SNRPN: variants seen among roughly 807,000 people sequenced by gnomAD.
The protein encoded by SNRPN is small nuclear ribonucleoprotein polypeptide N, also known as small nuclear ribonucleoprotein-associated protein N.
Under a neutral mutation model 25.2 loss-of-function variants are expected in SNRPN, and 7 were observed. The ratio of observed to expected loss-of-function variants is 0.28; its 90% CI spans 0.16 to 0.52. The LOEUF (loss-of-function observed/expected upper bound fraction) is 0.52, where lower values mean the gene tolerates loss of function less well. SNRPN is among the 20% of genes least tolerant of loss of function. The probability of loss-of-function intolerance (pLI) is 0.96; values close to 1 mark genes in which losing one functional copy is unlikely to be tolerated. For synonymous variants in SNRPN, 124 were observed against 110.6 expected (o/e 1.12, Z -0.76); for missense variants, 196 against 322.5 (o/e 0.61, Z 3.00).
At chr15:24,907,026 G>T (rs1299346077) in intron 2 of SNRPN, among the ~76,000 whole-genome samples, 1 of 151,992 alleles carries the variant, frequency 6.6e-6, no homozygotes, top group African/African-American at 2.4e-5. Flanking sequence ...GGAGGCAAGA[G>T]AACTGAAGGG....
At chr15:24,871,037 C>T (rs144073429) in intron 1 of SNRPN, among the ~76,000 whole-genome samples, 1,865 of 151,812 alleles carry the variant, frequency 0.012, 53 homozygotes, top group African/African-American at 0.043. Context: ...CGCACCACCA[C>T]GCCCGGCTAA....
chr15:24,945,439 T>C (rs2061820898), intron 3 of SNRPN, among the ~76,000 whole-genome samples: 1 of 150,976 alleles, frequency 6.6e-6, no homozygotes, highest in Non-Finnish European at 1.5e-5. Context: ...CTTGAGAGGC[T>C]GAGGCAGGAG....
intron 2 of SNRPN, among the ~76,000 whole-genome samples, chr15:24,906,230 C>T (rs545893573): frequency 6.6e-5 from 10 of 152,214 alleles, no homozygotes; most frequent in Admixed American, 6.5e-4. Flanking sequence ...GGGCTCAAGC[C>T]ATATTCCACC....
intron 2 of SNRPN, among the ~76,000 whole-genome samples, chr15:24,967,597 G>A (rs1051096596): frequency 2.0e-5 from 3 of 151,454 alleles, no homozygotes; most frequent in Admixed American, 6.6e-5. Flanking sequence ...AGCCCAGATC[G>A]TGCCACTGCA....
At chr15:24,868,089 G>C (rs905038591) in intron 1 of SNRPN, among the ~76,000 whole-genome samples, 1 of 150,926 alleles carries the variant, frequency 6.6e-6, no homozygotes, top group Non-Finnish European at 1.5e-5. Flanking sequence ...TTTATAGTTT[G>C]AGTGTGTGTG....
chr15:24,908,933 C>T (rs1021728333), intron 2 of SNRPN: 2 of 1,166,158 alleles, frequency 1.7e-6, no homozygotes, highest in African/African-American at 1.5e-5. Flanking sequence ...TTTGGTTTAG[C>T]TCTCAGCAGC....
chr15:24,850,133 A>G (rs561527173), intron 2 of SNRPN: 42 of 152,308 alleles, frequency 2.8e-4, no homozygotes, highest in Middle Eastern at 3.4e-3. Context: ...GCATGTTTTG[A>G]TGTAAGTGAT....
At chr15:24,910,932 T>C (rs2059176588) in intron 2 of SNRPN, 2 of 759,218 alleles carry the variant, frequency 2.6e-6, no homozygotes, top group Admixed American at 2.0e-5. Context: ...TCCTGTAGGC[T>C]GGCAGAGGAA....
In SNRPN at chr15:24,877,661, A is replaced by AACACAC. The variant is rs72120147; in HGVS notation, c.-578-8825_-578-8820dup. Among the ~76,000 whole-genome samples, 746 of 144,754 alleles carry AACACAC rather than the reference A, an allele frequency of 5.2e-3. 10 individuals are homozygous for AACACAC. Among genetic ancestry groups the AACACAC allele is most frequent in the African/African-American group, 0.018 (703 of 39,078 alleles). The allele number at this position is 144,754 out of a possible 152,430, so 95.0% of individuals were successfully genotyped here. On this transcript the variant is annotated intron_variant, in intron 1 of 11. Transcript: ENST00000400097. The stretch of plus-strand genomic sequence containing the variant: ...CCAATATGGTGAAACATCTCTACAA[A>AACACAC]ACACACACACACACACACACACACA...
At chr15:24,855,635 C>CAAAAA (rs1370648934), upstream of SNRPN, among the ~76,000 whole-genome samples, 1 of 151,470 alleles carries the variant, frequency 6.6e-6, no homozygotes, top group Admixed American at 6.6e-5. Flanking sequence ...ACTAAAAATA[C>CAAAAA]AAAAAAATTA....
intron 3 of SNRPN, among the ~76,000 whole-genome samples, chr15:24,923,910 TG>T (rs1364262943): frequency 1.7e-5 from 2 of 115,260 alleles, no homozygotes; most frequent in African/African-American, 6.8e-5. Context: ...TGTGTGTGTG[TG>T]TGTATATAAA....
chr15:24,907,897 A>G (rs567076521), intron 2 of SNRPN, among the ~76,000 whole-genome samples: 26 of 151,844 alleles, frequency 1.7e-4, no homozygotes, highest in African/African-American at 6.3e-4. Context: ...TACTAAAAAT[A>G]CAAAAATTAG....
intron 1 of SNRPN, among the ~76,000 whole-genome samples, chr15:24,863,681 A>G (rs905396812): frequency 1.3e-5 from 2 of 150,680 alleles, no homozygotes; most frequent in Non-Finnish European, 2.9e-5. Context: ...CCTGCTTTGT[A>G]TATGTTTGCC....
intron 1 of SNRPN, among the ~76,000 whole-genome samples, chr15:24,957,418 A>G (rs1031376935): frequency 6.6e-6 from 1 of 152,210 alleles, no homozygotes; most frequent in Non-Finnish European, 1.5e-5. Flanking sequence ...TAAATTAATG[A>G]TCATTTTTGA....
chr15:24,894,967 C>T (rs1269569194), intron 2 of SNRPN, among the ~76,000 whole-genome samples: 1 of 152,160 alleles, frequency 6.6e-6, no homozygotes, highest in Non-Finnish European at 1.5e-5. Context: ...CATGAGTCTT[C>T]ATAAGAAAAC....
At position 24,846,239 on chromosome 15, in the gene SNRPN, G is replaced by A. The variant is rs190636169; in HGVS notation, c.-579+16334G>A. ...GCACACATTTTGTCAGGTTTATCTC[G>A]AAGTATATCACGTTTTTATGCTATT... On this transcript the variant is annotated intron_variant, in intron 2 of 12. Transcript: ENST00000400100. 2.3e-4 allele frequency among the ~76,000 whole-genome samples: 35 copies of A among 152,082 alleles called. No individual in the cohort carries two copies. In the East Asian group the frequency reaches 6.4e-3, roughly 28 times the overall value.
In SNRPN at chr15:24,882,823, C is replaced by CAAAAAAAAAAAAAAAAAAAAAAAAAA. The variant is rs10543501; in HGVS notation, c.-578-3682_-578-3681insAAAAAAAAAAAAAAAAAAAAAAAAAA. ...TGGGCGACAGAGCGAGACTCCATCT[C>CAAAAAAAAAAAAAAAAAAAAAAAAAA]AAAAAAAAAAATATATATATATATA... On this transcript the variant is annotated intron_variant, in intron 1 of 11. Transcript: ENST00000400097. 1.8e-4 allele frequency among the ~76,000 whole-genome samples: 23 copies of CAAAAAAAAAAAAAAAAAAAAAAAAAA among 127,098 alleles called. 1 individual carries two copies. Among genetic ancestry groups the CAAAAAAAAAAAAAAAAAAAAAAAAAA allele is most frequent in the Admixed American group, 4.6e-4 (5 of 10,760 alleles). The allele number at this position is 127,098 out of a possible 152,430, so 83.4% of individuals were successfully genotyped here.
intron 1 of SNRPN, among the ~76,000 whole-genome samples, chr15:24,825,021 G>C (rs2049977032): frequency 6.6e-6 from 1 of 151,996 alleles, no homozygotes; most frequent in African/African-American, 2.4e-5. Context: ...CAATCTTATG[G>C]TCTAAAAGCG....
chr15:24,974,570 A>T, intron 4 of SNRPN, 114 bp downstream of exon 4: 1 of 961,714 alleles, frequency 1.0e-6, no homozygotes, highest in East Asian at 2.4e-5. Flanking sequence ...GGATACATCC[A>T]TGGATATGGA....
Sources: gnomAD v4.1 joint callset for allele counts (sites outside exome capture counted in the v4.1 genomes callset) on GRCh38, gnomAD v4.1.1 for gene constraint, MANE v1.5 for transcripts, NCBI Gene and HGNC (gene_info 2026-07-23, HGNC 2026-07-21) for gene names.